The following HERC3 variants were observed in gnomAD, a reference collection of about 807,000 sequenced individuals.
HERC3 encodes the protein probable E3 ubiquitin-protein ligase HERC3.
Under a neutral mutation model 129.9 loss-of-function variants are expected in HERC3, and 58 were observed. The ratio of observed to expected loss-of-function variants is 0.45; its 90% CI spans 0.36 to 0.56. The LOEUF is 0.56. Ranked by LOEUF, HERC3 falls within the 20% of genes least tolerant of loss-of-function variation. The pLI, the probability that HERC3 is intolerant of heterozygous loss-of-function variation, is 0.00. For missense variants in HERC3, 835 were observed against 1,244.2 expected (o/e 0.67, Z 4.95); for synonymous variants, 430 against 451.0 (o/e 0.95, Z 0.59).
At chr4:88,546,196 G>A in the HERC3 span, among the ~76,000 whole-genome samples, 1 of 152,028 alleles carries the variant, frequency 6.6e-6, no homozygotes, top group Non-Finnish European at 1.5e-5. Context: ...GAATGATTGG[G>A]GTCTCTATTC....
chr4:88,638,287 A>C (rs376097972), intron 3 of HERC3, among the ~76,000 whole-genome samples: 2,182 of 152,262 alleles, frequency 0.014, 54 homozygotes, highest in African/African-American at 0.05. Flanking sequence ...AGACACAACA[A>C]AAAAAAGAAA....
At chr4:88,673,439 G>A (rs377702154) in intron 16 of HERC3, among the ~76,000 whole-genome samples, 2 of 152,076 alleles carry the variant, frequency 1.3e-5, no homozygotes, top group Non-Finnish European at 2.9e-5. Flanking sequence ...CTTATTCATT[G>A]CTTCTATTTC....
At chr4:88,682,209 A>G (rs1234184005) in intron 21 of HERC3, among the ~76,000 whole-genome samples, 1 of 152,178 alleles carries the variant, frequency 6.6e-6, no homozygotes, top group Non-Finnish European at 1.5e-5. Flanking sequence ...CTCTTGGTAT[A>G]TGCCTAGGAG....
At chr4:88,692,198 C>T (rs1381806079) in intron 23 of HERC3, among the ~76,000 whole-genome samples, 1 of 152,014 alleles carries the variant, frequency 6.6e-6, no homozygotes, top group East Asian at 1.9e-4. Context: ...TTCTTATGGT[C>T]TATAATATGG....
chr4:88,697,860 C>T, intron 23 of HERC3: 1 of 1,463,658 alleles, frequency 6.8e-7, no homozygotes, highest in Non-Finnish European at 9.1e-7. Context: ...TGACGTGCGG[C>T]CGCGGGAATG....
At chr4:88,699,953 G>A (rs1735177685) in intron 23 of HERC3, among the ~76,000 whole-genome samples, 1 of 152,132 alleles carries the variant, frequency 6.6e-6, no homozygotes, top group African/African-American at 2.4e-5. Context: ...ACAGTAAATA[G>A]TCCCCTAAAA....
chr4:88,567,671 C>A, the HERC3 span, among the ~76,000 whole-genome samples: 1 of 152,286 alleles, frequency 6.6e-6, no homozygotes, highest in African/African-American at 2.4e-5. Context: ...TTAAATTTAT[C>A]TGATAGGATT....
At chr4:88,563,536 T>C in the HERC3 span, among the ~76,000 whole-genome samples, 2 of 152,200 alleles carry the variant, frequency 1.3e-5, no homozygotes, top group Non-Finnish European at 2.9e-5. Flanking sequence ...TCCAGTACTA[T>C]GCTGAATAAG....
At chr4:88,660,644 G>A (rs1385997331) in intron 10 of HERC3, among the ~76,000 whole-genome samples, 6 of 152,174 alleles carry the variant, frequency 3.9e-5, no homozygotes, top group Non-Finnish European at 7.4e-5. Context: ...GTAAACCATA[G>A]CATCTCCTTT....
At chr4:88,647,950 C>A (rs1728875099) in intron 3 of HERC3, among the ~76,000 whole-genome samples, 1 of 151,722 alleles carries the variant, frequency 6.6e-6, no homozygotes, top group Non-Finnish European at 1.5e-5. Context: ...CTCTACCTAC[C>A]CTCTCCTCTT....
intron 3 of HERC3, among the ~76,000 whole-genome samples, chr4:88,624,511 T>C (rs542372529): frequency 9.8e-5 from 15 of 152,372 alleles, no homozygotes; most frequent in African/African-American, 3.6e-4. Flanking sequence ...TTTTGCCATT[T>C]GGGTATCTTA....
intron 23 of HERC3, among the ~76,000 whole-genome samples, chr4:88,695,100 T>C (rs1001145619): frequency 2.0e-4 from 31 of 152,172 alleles, no homozygotes; most frequent in African/African-American, 7.5e-4. Flanking sequence ...GAAATCAATA[T>C]TAAATTTTAT....
the HERC3 span, among the ~76,000 whole-genome samples, chr4:88,578,817 C>T: frequency 1.3e-5 from 2 of 152,054 alleles, no homozygotes; most frequent in Admixed American, 6.6e-5. Context: ...ACGGAAATGA[C>T]TTGTCTAAGA....
intron 3 of HERC3, among the ~76,000 whole-genome samples, chr4:88,610,432 G>A (rs902416668): frequency 3.4e-5 from 5 of 148,106 alleles, no homozygotes; most frequent in African/African-American, 7.5e-5. Context: ...CCAGCCTGGG[G>A]GACAGAGCGA....
In HERC3 at chr4:88,699,425, T is replaced by A. The variant is rs115405422; in HGVS notation, c.2658-4673T>A. Among the ~76,000 whole-genome samples the A allele has an allele frequency of 4.1e-3, 513 of 126,006 alleles. 7 individuals are homozygous for A. Among genetic ancestry groups the A allele is most frequent in the African/African-American group, 0.016 (478 of 29,878 alleles). The allele number at this position is 126,006 out of a possible 152,430, so 82.7% of individuals were successfully genotyped here. On this transcript the variant is annotated intron_variant, in intron 23 of 25. Coordinates refer to ENST00000402738, the MANE Select transcript of HERC3 (RefSeq NM_014606.3). ...ACCTTCCCCCACGGTCTTCACCACC[T>A]TCCCCCAACCGTCTTCTTTACCCTG...
At position 88,595,554 on chromosome 4, in the gene HERC3, C is replaced by T. The variant is rs985502660; in HGVS notation, c.-87-3C>T. 3 of 152,218 alleles carry T rather than the reference C, an allele frequency of 2.0e-5. No homozygotes were observed. The highest frequency in any genetic ancestry group is 7.2e-5 in the African/African-American group (3 of 41,458). The allele number at this position is 152,218 out of a possible 1,614,324, so 9.4% of individuals were successfully genotyped here. On this transcript the variant is annotated splice_region_variant and splice_polypyrimidine_tract_variant and intron_variant, in intron 1 of 25. Coordinates refer to ENST00000402738, the MANE Select transcript of HERC3 (RefSeq NM_014606.3). ...TGTTATTTATTATTTCTTTAACTTG[C>T]AGAACTGCAAGGTGTGGAATATTTC...
intron 3 of HERC3, among the ~76,000 whole-genome samples, chr4:88,610,475 C>T (rs1017433437): frequency 2.8e-5 from 4 of 141,492 alleles, no homozygotes; most frequent in Non-Finnish European, 6.3e-5. Flanking sequence ...AAAAAAAGAA[C>T]GCCTTACCCG....
chr4:88,622,679 C>T (rs1725671324), intron 3 of HERC3, among the ~76,000 whole-genome samples: 1 of 152,056 alleles, frequency 6.6e-6, no homozygotes. Flanking sequence ...GCCTGTAATC[C>T]CAGCACTTTG....
At chr4:88,683,263 A>C (rs933370380) in intron 21 of HERC3, among the ~76,000 whole-genome samples, 1 of 152,174 alleles carries the variant, frequency 6.6e-6, no homozygotes, top group African/African-American at 2.4e-5. Flanking sequence ...ATAAAAGGAC[A>C]ACTTTAACGG....
Sources: allele counts gnomAD v4.1 joint callset (sites outside exome capture counted in the v4.1 genomes callset), GRCh38; gene constraint gnomAD v4.1.1; transcripts MANE v1.5; gene names NCBI Gene and HGNC (gene_info 2026-07-23, HGNC 2026-07-21).